TRMT11: variants seen among roughly 807,000 people sequenced by gnomAD.
The protein encoded by TRMT11 is tRNA (guanine(10)-N(2))-methyltransferase TRMT11.
In TRMT11, 53 loss-of-function variants were observed where a neutral mutation model predicts 62.8. That is an observed-to-expected ratio of 0.84 (90% confidence interval 0.68 to 1.06). TRMT11 has a LOEUF of 1.06. Among genes scored for constraint, TRMT11 ranks in the 50% least tolerant of loss-of-function variants. The pLI is 0.00. For synonymous variants in TRMT11, 188 were observed against 190.3 expected (o/e 0.99, Z 0.10); for missense variants, 556 against 553.4 (o/e 1.00, Z -0.05).
At chr6:126,271,240 C>T in the TRMT11 span, among the ~76,000 whole-genome samples, 3 of 151,284 alleles carry the variant, frequency 2.0e-5, no homozygotes, top group East Asian at 5.8e-4. Context: ...GGCATGTACC[C>T]GTAATCCCAG....
At chr6:126,155,288 T>C (rs892743751) in intron 21 of TRMT11, among the ~76,000 whole-genome samples, 1 of 152,136 alleles carries the variant, frequency 6.6e-6, no homozygotes, top group Non-Finnish European at 1.5e-5. Context: ...ACTCACTCAC[T>C]ATCACAAGGA....
chr6:126,016,666 G>A (rs186474595), intron 11 of TRMT11, among the ~76,000 whole-genome samples: 72 of 149,124 alleles, frequency 4.8e-4, no homozygotes, highest in Non-Finnish European at 8.0e-4. Flanking sequence ...CCAAAGTGAT[G>A]TTTTAGAAAG....
chr6:126,231,966 G>A, the TRMT11 span, among the ~76,000 whole-genome samples: 4 of 152,042 alleles, frequency 2.6e-5, no homozygotes, highest in Admixed American at 6.5e-5. Context: ...AATAGAATTG[G>A]CAATGATATG....
At chr6:126,033,156 C>T (rs754712273) in intron 12 of TRMT11, among the ~76,000 whole-genome samples, 1 of 152,050 alleles carries the variant, frequency 6.6e-6, no homozygotes, top group Non-Finnish European at 1.5e-5. Flanking sequence ...TTAGGAGGAT[C>T]GTTTTATCTA....
At chr6:126,191,962 GT>G (rs1243618046) in intron 1 of TRMT11, among the ~76,000 whole-genome samples, 2 of 151,844 alleles carry the variant, frequency 1.3e-5, no homozygotes, top group African/African-American at 4.8e-5. Flanking sequence ...AATTTTAGAA[GT>G]TTTTTTCTAT....
chr6:126,241,329 C>T, the TRMT11 span, among the ~76,000 whole-genome samples: 1 of 152,176 alleles, frequency 6.6e-6, no homozygotes, highest in Non-Finnish European at 1.5e-5. Flanking sequence ...ATTCGGCCTT[C>T]TTGGAACCGC....
intron 21 of TRMT11, among the ~76,000 whole-genome samples, chr6:126,149,767 G>C (rs1023556930): frequency 6.6e-6 from 1 of 152,158 alleles, no homozygotes; most frequent in Non-Finnish European, 1.5e-5. Context: ...GTTGGGCAGG[G>C]ATCAGCAGTG....
At chr6:126,052,414 A>G (rs1301737548) in intron 16 of TRMT11, among the ~76,000 whole-genome samples, 7 of 152,214 alleles carry the variant, frequency 4.6e-5, no homozygotes, top group South Asian at 2.1e-4. Flanking sequence ...AAGTAACTAC[A>G]TAATACCTTT....
intron 21 of TRMT11, among the ~76,000 whole-genome samples, chr6:126,139,935 AC>A (rs1199397112): frequency 6.6e-6 from 1 of 152,080 alleles, no homozygotes; most frequent in Non-Finnish European, 1.5e-5. Flanking sequence ...TCTTGGATAG[AC>A]AAGGATGGTG....
chr6:126,005,550 T>G (rs1793226168), intron 7 of TRMT11, among the ~76,000 whole-genome samples: 1 of 152,032 alleles, frequency 6.6e-6, no homozygotes, highest in African/African-American at 2.4e-5. Context: ...TACTTTTTGA[T>G]TATTATTTTG....
chr6:126,124,234 TG>T (rs1408411221), intron 21 of TRMT11, among the ~76,000 whole-genome samples: 1 of 152,034 alleles, frequency 6.6e-6, no homozygotes, highest in African/African-American at 2.4e-5. Context: ...CCAAAATGTC[TG>T]TCTTAGTTCT....
the TRMT11 span, among the ~76,000 whole-genome samples, chr6:126,222,410 G>A: frequency 6.6e-6 from 1 of 151,944 alleles, no homozygotes; most frequent in Non-Finnish European, 1.5e-5. Flanking sequence ...TGGGAAGTAT[G>A]GTCATGTTAA....
At chr6:126,187,929 G>T (rs1778544761) in intron 1 of TRMT11, among the ~76,000 whole-genome samples, 1 of 134,500 alleles carries the variant, frequency 7.4e-6, no homozygotes, top group African/African-American at 4.0e-5. Flanking sequence ...TTTTGGAAAA[G>T]GTGACCCTTA....
chr6:126,270,784 C>T, the TRMT11 span, among the ~76,000 whole-genome samples: 1 of 152,126 alleles, frequency 6.6e-6, no homozygotes, highest in Non-Finnish European at 1.5e-5. Flanking sequence ...GTATCACATT[C>T]TGAATTGTTC....
At chr6:126,026,670 C>T (rs376712344) in intron 12 of TRMT11, among the ~76,000 whole-genome samples, 1 of 152,198 alleles carries the variant, frequency 6.6e-6, no homozygotes, top group East Asian at 1.9e-4. Context: ...TAGGCGCGAG[C>T]CATCGCGCCC....
chr6:126,013,178 T>A, intron 11 of TRMT11, 77 bp downstream of exon 11: 1 of 1,331,750 alleles, frequency 7.5e-7, no homozygotes, highest in Non-Finnish European at 1.0e-6. Context: ...TCTCTTTATC[T>A]CTTCTTGCAT....
chr6:126,074,403 A>C (rs2128144819), intron 17 of TRMT11, among the ~76,000 whole-genome samples: 1 of 152,314 alleles, frequency 6.6e-6, no homozygotes, highest in South Asian at 2.1e-4. Context: ...TTGAATAAAT[A>C]AGTTATATCT....
intron 17 of TRMT11, among the ~76,000 whole-genome samples, chr6:126,093,631 A>ATATATTTTTTTTTTTTTTTT (rs1554236842): frequency 5.1e-5 from 5 of 98,012 alleles, no homozygotes; most frequent in African/African-American, 2.2e-4. Context: ...ATATATATAT[A>ATATATTTTTTTTTTTTTTTT]TTTTCCCCCA....
intron 21 of TRMT11, among the ~76,000 whole-genome samples, chr6:126,127,483 A>T (rs1287608123): frequency 1.3e-5 from 2 of 151,704 alleles, no homozygotes; most frequent in African/African-American, 4.8e-5. Flanking sequence ...GAGCCATCCA[A>T]ATCTTTTTTT....
Sources: allele counts gnomAD v4.1 joint callset (sites outside exome capture counted in the v4.1 genomes callset), GRCh38; gene constraint gnomAD v4.1.1; transcripts MANE v1.5; gene names NCBI Gene and HGNC (gene_info 2026-07-23, HGNC 2026-07-21).